The following GAB2 variants were observed in gnomAD, a reference collection of about 807,000 sequenced individuals.
GAB2 encodes the protein GRB2 associated binding protein 2.
GAB2 carries 26 observed loss-of-function variants against 65.5 expected under a neutral mutation model. The ratio of observed to expected loss-of-function variants is 0.40; its 90% CI spans 0.29 to 0.55. The LOEUF is 0.55. Ranked by LOEUF, GAB2 falls within the 20% of genes least tolerant of loss-of-function variation. The pLI is 0.53. For missense variants in GAB2, 884 were observed against 875.8 expected (o/e 1.01, Z -0.12); for synonymous variants, 321 against 329.6 (o/e 0.97, Z 0.28).
chr11:78,341,261 C>T (rs561128412), intron 1 of GAB2, among the ~76,000 whole-genome samples: 1 of 152,120 alleles, frequency 6.6e-6, no homozygotes, highest in Non-Finnish European at 1.5e-5. Context: ...GTCATTTCTT[C>T]AATACACTTT....
chr11:78,322,888 G>C (rs533038014), intron 1 of GAB2, among the ~76,000 whole-genome samples: 3 of 151,638 alleles, frequency 2.0e-5, no homozygotes, highest in East Asian at 1.9e-4. Flanking sequence ...AAATTACTTC[G>C]GCCACTGTAG....
Position 78,274,111 on chromosome 11 carries a change from C to A in GAB2, c.376+6490G>T, listed in dbSNP as rs528474878. On this transcript the variant is annotated intron_variant, in intron 2 of 9. Transcript: ENST00000361507. ...GCAATATAGTGAGACCCTGTCTCTA[C>A]AAAATTTAAAAAATTTAGCTGGGTG... 7.9e-4 allele frequency among the ~76,000 whole-genome samples: 120 copies of A among 152,134 alleles called. 1 individual carries two copies. The highest frequency in any genetic ancestry group is 2.7e-3 in the Admixed American group (41 of 15,286).
chr11:78,299,819 C>A (rs1262536353), intron 1 of GAB2, among the ~76,000 whole-genome samples: 1 of 152,146 alleles, frequency 6.6e-6, no homozygotes, highest in African/African-American at 2.4e-5. Flanking sequence ...CATTCCCATA[C>A]AGAGACTTCC....
In GAB2 at chr11:78,349,624, T is replaced by C. The variant is rs139857110; in HGVS notation, c.75+68022A>G. ...ATAGCCTAGGGACAAGAAGAGCTGC[T>C]AGAGATTTCCTTCATCAGGACTGAG... On this transcript the variant is annotated intron_variant, in intron 1 of 9. Coordinates refer to ENST00000361507, the MANE Select transcript of GAB2 (RefSeq NM_080491.3). 1.8e-3 allele frequency among the ~76,000 whole-genome samples: 274 copies of C among 152,374 alleles called. 2 individuals are homozygous for C. Among genetic ancestry groups the C allele is most frequent in the Middle Eastern group, 6.8e-3 (2 of 294 alleles).
intron 1 of GAB2, among the ~76,000 whole-genome samples, chr11:78,294,797 C>T (rs1209316023): frequency 6.6e-6 from 1 of 152,126 alleles, no homozygotes; most frequent in Non-Finnish European, 1.5e-5. Flanking sequence ...CAGAAGAAAA[C>T]CTAGGCAATA....
chr11:78,305,432 G>A (rs916970589), intron 1 of GAB2, among the ~76,000 whole-genome samples: 2 of 152,178 alleles, frequency 1.3e-5, no homozygotes, highest in Admixed American at 1.3e-4. Flanking sequence ...AATGAATCCT[G>A]AATGTTTAGG....
chr11:78,294,605 A>C (rs921606083), intron 1 of GAB2, among the ~76,000 whole-genome samples: 2 of 152,130 alleles, frequency 1.3e-5, no homozygotes, highest in African/African-American at 2.4e-5. Flanking sequence ...AATGATCGCC[A>C]TTTGACAAAC....
At chr11:78,329,917 G>C (rs562905407) in intron 1 of GAB2, among the ~76,000 whole-genome samples, 2 of 152,364 alleles carry the variant, frequency 1.3e-5, no homozygotes, top group South Asian at 4.1e-4. Context: ...TTTGCAGGCA[G>C]TCTGCCAATT....
chr11:78,223,612 T>C lies in GAB2; in HGVS notation c.1367A>G (p.Asn456Ser), dbSNP rs771884479. 5.0e-6 allele frequency: 8 copies of C among 1,613,530 alleles called. No individual in the cohort carries two copies. The East Asian group carries it at 6.7e-5, about 13-fold the overall frequency. ...TNSEDNYVPM[N>S]PGSSTLLAME... ...GGCCAACAGGGTGGAAGAACCTGGA[T>C]TCATGGGCACATAGTTGTCTTCAGA... The change falls in exon 6 of 10, where the codon AAT becomes AGT. Residue 456 changes from asparagine (N) to serine (S), a missense_variant. Physicochemically the swap from Asn to Ser is conservative, Grantham distance 46. Transcript: ENST00000361507.
chr11:78,391,536 T>A (rs1430935741), intron 1 of GAB2, among the ~76,000 whole-genome samples: 1 of 152,182 alleles, frequency 6.6e-6, no homozygotes, highest in Non-Finnish European at 1.5e-5. Flanking sequence ...TTAAGCACCA[T>A]GTAAGCAGTC....
At chr11:78,224,004 G>C (rs12804858) in intron 5 of GAB2, among the ~76,000 whole-genome samples, 37,588 of 152,012 alleles carry the variant, frequency 0.25, 6,115 homozygotes, top group Non-Finnish European at 0.37. Flanking sequence ...ATCGCTTGAA[G>C]CTGGGAGGCC....
chr11:78,401,232 A>C (rs1364953050), intron 1 of GAB2, among the ~76,000 whole-genome samples: 2 of 152,120 alleles, frequency 1.3e-5, no homozygotes, highest in Non-Finnish European at 2.9e-5. Context: ...CATTACCACC[A>C]ATGTCCAGAA....
At chr11:78,253,355 A>C (rs1865510205) in intron 2 of GAB2, among the ~76,000 whole-genome samples, 1 of 152,098 alleles carries the variant, frequency 6.6e-6, no homozygotes. Context: ...GCCATGGTGC[A>C]ATCATAGCTC....
intron 1 of GAB2, chr11:78,392,062 C>T (rs1036593563): frequency 6.6e-6 from 1 of 152,018 alleles, no homozygotes; most frequent in Non-Finnish European, 1.5e-5. Context: ...CATGGTGAAA[C>T]CCTGTCTCTA....
chr11:78,261,103 G>T (rs1865716573), intron 2 of GAB2, among the ~76,000 whole-genome samples: 1 of 151,700 alleles, frequency 6.6e-6, no homozygotes, highest in Non-Finnish European at 1.5e-5. Flanking sequence ...GTATGTCTGA[G>T]ATATATATAT....
chr11:78,234,909 C>T (rs968664043), intron 3 of GAB2, among the ~76,000 whole-genome samples: 18 of 152,060 alleles, frequency 1.2e-4, no homozygotes. Context: ...ACTCAGGAGG[C>T]TGAGGCAGGA....
chr11:78,291,555 C>CCT (rs1866676925), intron 1 of GAB2, among the ~76,000 whole-genome samples: 1 of 55,046 alleles, frequency 1.8e-5, no homozygotes, highest in Non-Finnish European at 3.5e-5. Context: ...TTACTTTTTT[C>CCT]TTTTTCTTTT....
intron 1 of GAB2, among the ~76,000 whole-genome samples, chr11:78,368,962 A>G (rs1435576597): frequency 1.3e-5 from 2 of 151,874 alleles, no homozygotes; most frequent in Non-Finnish European, 2.9e-5. Context: ...TTTAAAATTA[A>G]TAAATTTACT....
At chr11:78,275,653 T>C (rs1396697834) in intron 2 of GAB2, among the ~76,000 whole-genome samples, 1 of 152,244 alleles carries the variant, frequency 6.6e-6, no homozygotes, top group Non-Finnish European at 1.5e-5. Flanking sequence ...CAGATGATAT[T>C]CTTGCTCTGA....
Sources: allele counts gnomAD v4.1 joint callset (sites outside exome capture counted in the v4.1 genomes callset), GRCh38; gene constraint gnomAD v4.1.1; transcripts MANE v1.5; gene names NCBI Gene and HGNC (gene_info 2026-07-23, HGNC 2026-07-21).